Variants in POLR3D observed in about 807,000 individuals in gnomAD.
POLR3D encodes RNA polymerase III subunit D, also known as DNA-directed RNA polymerase III subunit RPC4.
In POLR3D, 42 loss-of-function variants were observed where a neutral mutation model predicts 44.5. The observed-to-expected ratio is 0.94, with a 90% CI of 0.74 to 1.22. POLR3D has a LOEUF of 1.22. Among genes scored for constraint, POLR3D ranks in the 50% most tolerant of loss-of-function variants. The pLI is 0.00. For missense variants in POLR3D, 507 were observed against 505.2 expected (o/e 1.00, Z -0.03); for synonymous variants, 217 against 198.1 (o/e 1.10, Z -0.80).
Position 22,254,207 on chromosome 8 carries a change from G to A in POLR3D, c.*3689G>A, listed in dbSNP as rs371125983. On this transcript the variant is annotated 3_prime_UTR_variant, in exon 9 of 9. Coordinates refer to ENST00000306433, the MANE Select transcript of POLR3D (RefSeq NM_001722.3). Reference sequence around the variant, plus strand: ...ATGTGCTATTTGATTTTCTGTTTCCGAGGTTAGGATAATTACCTCAAGCTC... The same window carrying A: ...ATGTGCTATTTGATTTTCTGTTTCCAAGGTTAGGATAATTACCTCAAGCTC... 5.3e-5 allele frequency: 8 copies of A among 151,988 alleles called. No individual in the cohort carries two copies. Among genetic ancestry groups the A allele is most frequent in the African/African-American group, 1.7e-4 (7 of 41,344 alleles). 9.4% of individuals were successfully genotyped at this position (151,988 alleles called of 1,614,324 possible).
chr8:22,246,089 G>A (rs1348977191), intron 2 of POLR3D, among the ~76,000 whole-genome samples: 1 of 152,126 alleles, frequency 6.6e-6, no homozygotes, highest in Non-Finnish European at 1.5e-5. Context: ...AGAAAGGGGT[G>A]GGGTCAGGAT....
intron 2 of POLR3D, among the ~76,000 whole-genome samples, chr8:22,245,828 G>C (rs1455787546): frequency 1.3e-5 from 2 of 152,206 alleles, no homozygotes; most frequent in African/African-American, 4.8e-5. Flanking sequence ...TTGAAGGGCA[G>C]AGAATCCTAA....
At chr8:22,247,117 T>C (rs1830051596) in intron 2 of POLR3D, 104 bp from the exon 3 acceptor site, 5 of 768,174 alleles carry the variant, frequency 6.5e-6, no homozygotes, top group Non-Finnish European at 1.1e-5. Context: ...ACGAGAGCCG[T>C]GGTGGCCTTG....
Position 22,247,977 on chromosome 8 carries a change from G to A in POLR3D, c.330G>A (p.Glu110=), listed in dbSNP as rs747372867. Residue 110 remains glutamate, a synonymous_variant, in exon 4 of 9, where the codon GAG becomes GAA. Transcript: ENST00000306433. ...PEVIQSHSIF[E]QGPAEMMKKK... ...TGATCCAGTCTCACTCCATCTTTGA[G>A]CAGGGCCCAGCTGAAATGATGAAGA... The A allele has an allele frequency of 5.6e-6, 9 of 1,613,976 alleles. No homozygotes were observed. The South Asian group carries it at 8.8e-5, about 16-fold the overall frequency.
At chr8:22,245,313 C>T in intron 1 of POLR3D, 130 bp downstream of exon 1, 2 of 596,504 alleles carry the variant, frequency 3.4e-6, no homozygotes, top group South Asian at 3.9e-5. Flanking sequence ...AGTCTCGCCA[C>T]GTGGGAGGGG....
At chr8:22,247,019 G>A (rs1830050422) in intron 2 of POLR3D, among the ~76,000 whole-genome samples, 1 of 152,208 alleles carries the variant, frequency 6.6e-6, no homozygotes, top group African/African-American at 2.4e-5. Context: ...CCCCTTCTAT[G>A]TGTAACTCCA....
Position 22,249,289 on chromosome 8 carries a change from A to C in POLR3D, c.901A>C (p.Ile301Leu). Residue 301 changes from isoleucine (I) to leucine (L), a missense_variant, in exon 7 of 9, where the codon ATC becomes CTC. Coordinates refer to ENST00000306433, the MANE Select transcript of POLR3D (RefSeq NM_001722.3). Reference protein sequence around the residue: ...VQGEDGQVVLIKQEKDREAKL... With the variant: ...VQGEDGQVVLLKQEKDREAKL... ...GGGCGAGGACGGACAGGTGGTGCTC[A>C]TCAAGCAGGAGAAAGACCGAGTACG... 6.2e-7 allele frequency: 1 copy of C among 1,614,016 alleles called. No homozygotes were observed. The highest frequency in any genetic ancestry group is 8.5e-7 in the Non-Finnish European group (1 of 1,179,980).
chr8:22,247,172 T>G (rs1385438168), intron 2 of POLR3D, 49 bp from the exon 3 acceptor site: 1 of 1,445,960 alleles, frequency 6.9e-7, no homozygotes, highest in Non-Finnish European at 9.7e-7. Context: ...TCCTCTGTAC[T>G]TTGGGGTCAG....
In POLR3D at chr8:22,251,526, A is replaced by G. The variant is rs1408420023; in HGVS notation, c.*1008A>G. The G allele has an allele frequency of 6.5e-6, 1 of 153,796 alleles. No homozygotes were observed. Among genetic ancestry groups the G allele is most frequent in the East Asian group, 1.9e-4 (1 of 5,200 alleles). 9.5% of individuals were successfully genotyped at this position (153,796 alleles called of 1,614,324 possible). A position where few individuals can be genotyped will look rare whatever the true frequency, so the allele number is the denominator to read the frequency against. ...GAGCCGAAGTCATATATTGCTAACA[A>G]AAAAACTAAATCCTTCATAAGAGAA... On this transcript the variant is annotated 3_prime_UTR_variant, in exon 9 of 9. Transcript: ENST00000306433.
In POLR3D at chr8:22,251,278, C is replaced by T. The variant is rs1385047330; in HGVS notation, c.*760C>T. 2.6e-5 allele frequency: 4 copies of T among 153,616 alleles called. No homozygotes were observed. The highest frequency in any genetic ancestry group is 5.9e-5 in the Non-Finnish European group (4 of 68,072). The allele number at this position is 153,616 out of a possible 1,614,324, so 9.5% of individuals were successfully genotyped here. ...TCCTGCTTTATATCCCGTCCTCACC[C>T]TGGGCCTGATGCCCTAAATTTATGG... On this transcript the variant is annotated 3_prime_UTR_variant, in exon 9 of 9. Transcript: ENST00000306433.
intron 6 of POLR3D, 128 bp from the exon 7 acceptor site, chr8:22,248,916 A>G (rs1381366241): frequency 9.3e-7 from 1 of 1,076,318 alleles, no homozygotes; most frequent in African/African-American, 1.6e-5. Context: ...GCCCCTCTGT[A>G]TAACTGGTGC....
chr8:22,248,366 C>T, intron 5 of POLR3D, 88 bp downstream of exon 5: 1 of 1,576,290 alleles, frequency 6.3e-7, no homozygotes. Context: ...GAAGAGCTTA[C>T]TGATGTCCTG....
In POLR3D at chr8:22,248,586, G is replaced by A. The variant is rs1490464753; in HGVS notation, c.592G>A (p.Val198Ile). ...TAAGGAAGAAAATGACGAACCAGAT[G>A]TTAAACCTTGGCTGGCTGGCCCCAA... ...LFKEENDEPD[V>I]KPWLAGPKEE... The change falls in exon 6 of 9, where the codon GTT (valine) becomes ATT (isoleucine). Residue 198 changes from valine to isoleucine, a missense_variant. Val to Ile is a conservative substitution (Grantham distance 29). Coordinates refer to ENST00000306433, the MANE Select transcript of POLR3D (RefSeq NM_001722.3). 6.2e-7 allele frequency: 1 copy of A among 1,614,182 alleles called. No homozygotes were observed. Among genetic ancestry groups the A allele is most frequent in the South Asian group, 1.1e-5 (1 of 91,088 alleles).
At position 22,250,356 on chromosome 8, in the gene POLR3D, C is replaced by G. The variant is rs377439860; in HGVS notation, c.1075-40C>G. 88 of 1,613,618 alleles carry G rather than the reference C, an allele frequency of 5.5e-5. No homozygotes were observed. In the South Asian group the frequency reaches 8.9e-4, roughly 16 times the overall value. On this transcript the variant is annotated intron_variant, in intron 8 of 8. Transcript: ENST00000306433. ...CATTCACAGCTCTACACGCCGGGCA[C>G]GTGGTGGTGGTTCTCATCACTGTCT...
rs973996431 is a variant in POLR3D, at chr8:22,253,340, C to T, written c.*2822C>T. 3 of 152,288 alleles carry T rather than the reference C, an allele frequency of 2.0e-5. No individual in the cohort carries two copies. Among genetic ancestry groups the T allele is most frequent in the Non-Finnish European group, 2.9e-5 (2 of 68,098 alleles). 9.4% of individuals were successfully genotyped at this position (152,288 alleles called of 1,614,324 possible). On this transcript the variant is annotated 3_prime_UTR_variant, in exon 9 of 9. Coordinates refer to ENST00000306433, the MANE Select transcript of POLR3D (RefSeq NM_001722.3). ...CGTCAGCAGCTCCAGCAACCTCCCC[C>T]CTGTCTCTTTATAGAGTGGGGCCAC...
At position 22,250,449 on chromosome 8, in the gene POLR3D, G is replaced by A. The variant is rs1830095110; in HGVS notation, c.1128G>A (p.Leu376=). The A allele has an allele frequency of 6.2e-7, 1 of 1,613,958 alleles. No individual in the cohort carries two copies. The highest frequency in any genetic ancestry group is 8.5e-7 in the Non-Finnish European group (1 of 1,179,962). ...GDSRTGEMTV[L]GHVKHKLVCS... ...GTAGGACAGGGGAGATGACAGTCCT[G>A]GGACACGTGAAGCACAAACTTGTAT... The change falls in exon 9 of 9, where the codon CTG becomes CTA. Residue 376 remains leucine (L), a synonymous_variant. Transcript: ENST00000306433.
At position 22,251,492 on chromosome 8, in the gene POLR3D, C is replaced by T. The variant is rs1830105294; in HGVS notation, c.*974C>T. 6.5e-6 allele frequency: 1 copy of T among 153,750 alleles called. No homozygotes were observed. The highest frequency in any genetic ancestry group is 2.4e-5 in the African/African-American group (1 of 41,432). 9.5% of individuals were successfully genotyped at this position (153,750 alleles called of 1,614,324 possible). ...TGCACTCTTTCCTTTGCAGTTAGTA[C>T]TCATGTATGAGCCGAAGTCATATAT... On this transcript the variant is annotated 3_prime_UTR_variant, in exon 9 of 9. Coordinates refer to ENST00000306433, the MANE Select transcript of POLR3D (RefSeq NM_001722.3).
At chr8:22,247,185 C>T (rs1157368041) in intron 2 of POLR3D, 36 bp from the exon 3 acceptor site, 2 of 1,563,996 alleles carry the variant, frequency 1.3e-6, no homozygotes, top group Non-Finnish European at 1.8e-6. Flanking sequence ...GGGGTCAGAA[C>T]CTAACACATC....
At position 22,248,650 on chromosome 8, in the gene POLR3D, G is replaced by T; in HGVS notation, c.655+1G>T. 3.1e-6 allele frequency: 5 copies of T among 1,610,730 alleles called. No individual in the cohort carries two copies. The highest frequency in any genetic ancestry group is 3.4e-6 in the Non-Finnish European group (4 of 1,178,692). On this transcript the variant is annotated splice_donor_variant, in intron 6 of 8. Transcript: ENST00000306433. LOFTEE classifies it high-confidence loss of function. ...GAGGTGGACATACCTGCTGTGAAAGGTACTCTGTCGGTTAACTTCTCATCT... is the reference window on the plus strand; with the variant it reads ...GAGGTGGACATACCTGCTGTGAAAGTTACTCTGTCGGTTAACTTCTCATCT...
Sources: allele counts gnomAD v4.1 joint callset (sites outside exome capture counted in the v4.1 genomes callset), GRCh38; gene constraint gnomAD v4.1.1; transcripts MANE v1.5; gene names NCBI Gene and HGNC (gene_info 2026-07-23, HGNC 2026-07-21).